The following VGLL3 variants were observed in gnomAD, a reference collection of about 807,000 sequenced individuals.
VGLL3 encodes the protein vestigial like family member 3.
A neutral mutation model predicts 29.2 loss-of-function variants in VGLL3; 18 were observed. The ratio of observed to expected loss-of-function variants is 0.62; its 90% CI spans 0.43 to 0.91. VGLL3 has a LOEUF of 0.91. VGLL3 is among the 40% of genes least tolerant of loss of function. The pLI is 0.00. For missense variants in VGLL3, 440 were observed against 413.2 expected (o/e 1.06, Z -0.56); for synonymous variants, 180 against 151.8 (o/e 1.19, Z -1.36).
intron 2 of VGLL3, among the ~76,000 whole-genome samples, chr3:86,976,888 T>C (rs1424274975): frequency 2.0e-5 from 3 of 152,224 alleles, no homozygotes; most frequent in East Asian, 1.9e-4. Context: ...GGATTCATTA[T>C]TGATATATCA....
In VGLL3 at chr3:86,943,301, T is replaced by G. The variant is rs1704437768; in HGVS notation, c.*3723A>C. 1 of 152,184 alleles carries G rather than the reference T, an allele frequency of 6.6e-6. No homozygotes were observed. Among genetic ancestry groups the G allele is most frequent in the Admixed American group, 6.5e-5 (1 of 15,270 alleles). 9.4% of individuals were successfully genotyped at this position (152,184 alleles called of 1,614,324 possible). A position where few individuals can be genotyped will look rare whatever the true frequency, so the allele number is the denominator to read the frequency against. On this transcript the variant is annotated 3_prime_UTR_variant, in exon 4 of 4. Transcript: ENST00000398399. ...CAAACACTATTTAAAGAAGGGACACTCAGTAAGGAATAGAATACAGGTTCT... is the reference window on the plus strand; with the variant it reads ...CAAACACTATTTAAAGAAGGGACACGCAGTAAGGAATAGAATACAGGTTCT...
intron 2 of VGLL3, among the ~76,000 whole-genome samples, 174 bp from the exon 3 acceptor site, chr3:86,969,297 G>A (rs1379697496): frequency 2.6e-5 from 4 of 152,146 alleles, no homozygotes; most frequent in Admixed American, 6.5e-5. Context: ...CTCTGGGCTC[G>A]CAAGCCAATG....
intron 1 of VGLL3, among the ~76,000 whole-genome samples, chr3:86,987,842 A>T (rs1705485144): frequency 6.6e-6 from 1 of 152,228 alleles, no homozygotes; most frequent in African/African-American, 2.4e-5. Flanking sequence ...TTAAAATGAC[A>T]TTCACTTATT....
intron 3 of VGLL3, among the ~76,000 whole-genome samples, chr3:86,961,067 A>G (rs1704829232): frequency 6.6e-6 from 1 of 151,654 alleles, no homozygotes; most frequent in Admixed American, 6.6e-5. Context: ...TGTATACTGT[A>G]TATTGCATTG....
chr3:86,945,095 A>C lies in VGLL3; in HGVS notation c.*1929T>G, dbSNP rs1259786541. ...GGCTACTCCCAGGAAATATAAGTTCATATTATTAGTGAGTGGAAGGTATCT... is the reference window on the plus strand; with the variant it reads ...GGCTACTCCCAGGAAATATAAGTTCCTATTATTAGTGAGTGGAAGGTATCT... On this transcript the variant is annotated 3_prime_UTR_variant, in exon 4 of 4. Coordinates refer to ENST00000398399, the MANE Select transcript of VGLL3 (RefSeq NM_016206.4). 1 of 152,234 alleles carries C rather than the reference A, an allele frequency of 6.6e-6. No individual in the cohort carries two copies. Among genetic ancestry groups the C allele is most frequent in the African/African-American group, 2.4e-5 (1 of 41,466 alleles). The allele number at this position is 152,234 out of a possible 1,614,324, so 9.4% of individuals were successfully genotyped here. A position where few individuals can be genotyped will look rare whatever the true frequency, so the allele number is the denominator to read the frequency against.
chr3:86,958,176 T>A (rs1420514163), intron 3 of VGLL3, among the ~76,000 whole-genome samples: 2 of 152,166 alleles, frequency 1.3e-5, no homozygotes, highest in African/African-American at 4.8e-5. Context: ...TTTTTTTTGT[T>A]ACTGCAAACA....
chr3:86,954,808 A>G (rs1559721405), intron 3 of VGLL3, among the ~76,000 whole-genome samples: 1 of 151,848 alleles, frequency 6.6e-6, no homozygotes, highest in Non-Finnish European at 1.5e-5. Flanking sequence ...GACAAAGAAT[A>G]AAGGAAAGGA....
At chr3:86,961,525 A>C (rs1704843070) in intron 3 of VGLL3, among the ~76,000 whole-genome samples, 2 of 152,170 alleles carry the variant, frequency 1.3e-5, no homozygotes, top group Non-Finnish European at 2.9e-5. Context: ...TCTGAGGAAG[A>C]TAAGAGGAGA....
At chr3:86,977,676 C>T (rs962254872) in intron 2 of VGLL3, among the ~76,000 whole-genome samples, 1 of 152,188 alleles carries the variant, frequency 6.6e-6, no homozygotes, top group Non-Finnish European at 1.5e-5. Flanking sequence ...CCCAAGAATT[C>T]GCACTTCTAA....
chr3:86,951,227 G>A (rs1311905921), intron 3 of VGLL3, among the ~76,000 whole-genome samples: 1 of 152,152 alleles, frequency 6.6e-6, no homozygotes, highest in African/African-American at 2.4e-5. Context: ...ATTCTAAACA[G>A]TCTTAGTTCG....
At chr3:86,977,909 AAC>A (rs1218388820) in intron 2 of VGLL3, among the ~76,000 whole-genome samples, 1 of 152,226 alleles carries the variant, frequency 6.6e-6, no homozygotes, top group Admixed American at 6.5e-5. Flanking sequence ...ATCAGTTTCA[AAC>A]ACATCTCTGT....
At chr3:86,951,865 C>G (rs1704625093) in intron 3 of VGLL3, among the ~76,000 whole-genome samples, 1 of 152,050 alleles carries the variant, frequency 6.6e-6, no homozygotes, top group Admixed American at 6.6e-5. Flanking sequence ...CATGGGCCAC[C>G]CCAGATGAGC....
intron 3 of VGLL3, among the ~76,000 whole-genome samples, chr3:86,960,148 T>C (rs1240674963): frequency 6.6e-6 from 1 of 152,152 alleles, no homozygotes; most frequent in African/African-American, 2.4e-5. Context: ...ATTAGTATGT[T>C]CCAAAGTGAA....
chr3:86,958,312 A>G (rs962722190), intron 3 of VGLL3, among the ~76,000 whole-genome samples: 2 of 152,198 alleles, frequency 1.3e-5, no homozygotes, highest in African/African-American at 4.8e-5. Context: ...TACATTTTCC[A>G]GTCTACTTCT....
intron 3 of VGLL3, among the ~76,000 whole-genome samples, chr3:86,955,985 G>A (rs1400834794): frequency 6.6e-6 from 1 of 152,148 alleles, no homozygotes; most frequent in African/African-American, 2.4e-5. Flanking sequence ...CATGTTGCCT[G>A]CAGACAACTG....
rs1286116338 is a variant in VGLL3, at chr3:86,938,406, T to C, written c.*8618A>G. The stretch of plus-strand genomic sequence containing the variant: ...CTTTCAACAGAAGGAATAGGGGAGT[T>C]TAAAGCTATATTTTCCTTTTAGCAA... On this transcript the variant is annotated 3_prime_UTR_variant, in exon 4 of 4. Coordinates refer to ENST00000398399, the MANE Select transcript of VGLL3 (RefSeq NM_016206.4). 6.6e-6 allele frequency: 1 copy of C among 152,624 alleles called. No individual in the cohort carries two copies. Among genetic ancestry groups the C allele is most frequent in the Non-Finnish European group, 1.5e-5 (1 of 68,032 alleles). The allele number at this position is 152,624 out of a possible 1,614,324, so 9.5% of individuals were successfully genotyped here.
At chr3:86,952,540 GC>G (rs1704637473) in intron 3 of VGLL3, among the ~76,000 whole-genome samples, 1 of 152,062 alleles carries the variant, frequency 6.6e-6, no homozygotes, top group Non-Finnish European at 1.5e-5. Flanking sequence ...GGAACATAAA[GC>G]CTGAAAGTGT....
At chr3:86,967,560 T>G (rs1201811672) in intron 3 of VGLL3, among the ~76,000 whole-genome samples, 1 of 152,176 alleles carries the variant, frequency 6.6e-6, no homozygotes, top group Non-Finnish European at 1.5e-5. Flanking sequence ...TTTATGACTC[T>G]GGGGAATTAT....
chr3:86,965,288 G>A (rs892915842), intron 3 of VGLL3, among the ~76,000 whole-genome samples: 13 of 152,120 alleles, frequency 8.5e-5, no homozygotes, highest in African/African-American at 2.9e-4. Context: ...CGGTCACCTG[G>A]ACTTTGAGAA....
Sources: gnomAD v4.1 joint callset for allele counts (sites outside exome capture counted in the v4.1 genomes callset) on GRCh38, gnomAD v4.1.1 for gene constraint, MANE v1.5 for transcripts, NCBI Gene and HGNC (gene_info 2026-07-23, HGNC 2026-07-21) for gene names.